The following MTMR2 variants were observed in gnomAD, a reference collection of about 807,000 sequenced individuals.
MTMR2 encodes the protein myotubularin related protein 2.
Under a neutral mutation model 86.9 loss-of-function variants are expected in MTMR2, and 55 were observed. That is an observed-to-expected ratio of 0.63 (90% confidence interval 0.51 to 0.79). The LOEUF (loss-of-function observed/expected upper bound fraction) is 0.79, where lower values mean the gene tolerates loss of function less well. Among genes scored for constraint, MTMR2 ranks in the 30% least tolerant of loss-of-function variants. MTMR2 has a pLI of 0.00. For synonymous variants in MTMR2, 241 were observed against 266.8 expected (o/e 0.90, Z 0.94); for missense variants, 659 against 772.3 (o/e 0.85, Z 1.74).
chr11:95,834,237 A>G lies in MTMR2; in HGVS notation c.*1053T>C, dbSNP rs1863153444. The G allele has an allele frequency of 6.6e-6, 1 of 152,576 alleles. No individual in the cohort carries two copies. The highest frequency in any genetic ancestry group is 2.4e-5 in the African/African-American group (1 of 41,452). 9.5% of individuals were successfully genotyped at this position (152,576 alleles called of 1,614,324 possible). ...CTACCAGCACCAAACTCTTACTTGT[A>G]GCAGGTGAACAGTGAAGCAAGATTT... On this transcript the variant is annotated 3_prime_UTR_variant, in exon 15 of 15. Transcript: ENST00000346299.
chr11:95,873,979 T>C (rs1200589415), intron 2 of MTMR2, among the ~76,000 whole-genome samples: 1 of 152,184 alleles, frequency 6.6e-6, no homozygotes, highest in East Asian at 1.9e-4. Context: ...ATAATTTCTC[T>C]TGTTTTACAT....
At chr11:95,907,884 C>A in intron 1 of MTMR2, 1 of 443,738 alleles carries the variant, frequency 2.3e-6, no homozygotes, top group Non-Finnish European at 4.5e-6. Context: ...AGAGCTACAG[C>A]CAACATCACA....
chr11:95,913,050 G>T (rs1866569298), intron 1 of MTMR2: 1 of 151,990 alleles, frequency 6.6e-6, no homozygotes, highest in African/African-American at 2.4e-5. Context: ...CCTTCACCAA[G>T]TCTATCCAAT....
chr11:95,923,360 G>C (rs775287984), intron 1 of MTMR2, among the ~76,000 whole-genome samples: 4 of 152,128 alleles, frequency 2.6e-5, no homozygotes, highest in Non-Finnish European at 4.4e-5. Flanking sequence ...AGGGAGGCGA[G>C]AAGAAAATCA....
At position 95,877,331 on chromosome 11, in the gene MTMR2, CCTTT is replaced by C. The variant is rs1321355260; in HGVS notation, c.186+10821_186+10824del. Among the ~76,000 whole-genome samples, 50 of 94,710 alleles carry C rather than the reference CCTTT, an allele frequency of 5.3e-4. 2 individuals are homozygous for C. Among genetic ancestry groups the C allele is most frequent in the African/African-American group, 2.1e-3 (42 of 20,146 alleles). The allele number at this position is 94,710 out of a possible 152,430, so 62.1% of individuals were successfully genotyped here. ...CATTCAAGATCAAGCACAGGGAAGC[CCTTT>C]TTTTTTTTTTTTTTTTTTTTTTTTT... is the stretch of plus-strand genomic sequence containing the variant. On this transcript the variant is annotated intron_variant, in intron 2 of 14. Transcript: ENST00000346299.
intron 7 of MTMR2, 25 bp from the exon 8 acceptor site, chr11:95,850,774 C>G (rs1057027681): frequency 6.5e-7 from 1 of 1,549,018 alleles, no homozygotes; most frequent in African/African-American, 1.4e-5. Flanking sequence ...AAACATAAGA[C>G]AAATTACTAT....
chr11:95,858,552 T>A lies in MTMR2; in HGVS notation c.549A>T (p.Ala183=). Residue 183 remains alanine, a synonymous_variant, in exon 6 of 15, where the codon GCA becomes GCT. Coordinates refer to ENST00000346299, the MANE Select transcript of MTMR2 (RefSeq NM_016156.6). ...RSIFENLMKY[A]FPVSNNLPLF... ...TTACCAGGTTATTAGAGACAGGAAA[T>A]GCATATTTCATTAGATTCTCAAATA... The A allele has an allele frequency of 6.2e-7, 1 of 1,611,130 alleles. No individual in the cohort carries two copies. Among genetic ancestry groups the A allele is most frequent in the South Asian group, 1.1e-5 (1 of 91,024 alleles).
chr11:95,862,187 CTTTA>C (rs1864446863), intron 4 of MTMR2, 81 bp downstream of exon 4: 2 of 1,529,342 alleles, frequency 1.3e-6, no homozygotes, highest in Admixed American at 1.7e-5. Context: ...ATCAGAAATG[CTTTA>C]ATTAGAAATG....
chr11:95,855,337 C>G (rs1864170844), intron 7 of MTMR2, among the ~76,000 whole-genome samples: 1 of 152,104 alleles, frequency 6.6e-6, no homozygotes, highest in South Asian at 2.1e-4. Context: ...CTCACCACAG[C>G]CTTGATCTCC....
chr11:95,850,897 G>T, intron 7 of MTMR2, 148 bp from the exon 8 acceptor site: 1 of 749,510 alleles, frequency 1.3e-6, no homozygotes. Context: ...TGTGGTATCA[G>T]GCTTTCAGGA....
chr11:95,888,806 A>G (rs1185459982), intron 1 of MTMR2, among the ~76,000 whole-genome samples: 1 of 152,210 alleles, frequency 6.6e-6, no homozygotes, highest in Non-Finnish European at 1.5e-5. Context: ...TTCTGGCCAG[A>G]AAGTTCAGGG....
At chr11:95,851,971 A>G (rs1864038595) in intron 7 of MTMR2, among the ~76,000 whole-genome samples, 1 of 152,244 alleles carries the variant, frequency 6.6e-6, no homozygotes, top group African/African-American at 2.4e-5. Flanking sequence ...TATAGGATTA[A>G]TAAAACAACT....
chr11:95,861,971 C>T, intron 5 of MTMR2, 21 bp downstream of exon 5: 1 of 1,522,700 alleles, frequency 6.6e-7, no homozygotes, highest in South Asian at 1.1e-5. Context: ...AAGAAAATCA[C>T]ATACATATTA....
At chr11:95,919,816 A>T (rs1431589546) in intron 1 of MTMR2, among the ~76,000 whole-genome samples, 1 of 152,184 alleles carries the variant, frequency 6.6e-6, no homozygotes, top group Non-Finnish European at 1.5e-5. Context: ...TTCCGTCAAC[A>T]TTCTTTTATT....
intron 1 of MTMR2, among the ~76,000 whole-genome samples, chr11:95,898,557 T>C (rs1452061823): frequency 6.6e-6 from 1 of 151,856 alleles, no homozygotes; most frequent in Non-Finnish European, 1.5e-5. Flanking sequence ...ACATGATAAA[T>C]GGGTGTGAGA....
At chr11:95,909,316 G>C (rs1326442479) in intron 1 of MTMR2, among the ~76,000 whole-genome samples, 1 of 152,012 alleles carries the variant, frequency 6.6e-6, no homozygotes, top group Non-Finnish European at 1.5e-5. Context: ...GTTTCATGTA[G>C]ATTTTGTTTT....
chr11:95,846,888 T>G (rs146872154), intron 10 of MTMR2, among the ~76,000 whole-genome samples: 119 of 152,306 alleles, frequency 7.8e-4, no homozygotes, highest in African/African-American at 2.7e-3. Context: ...AATGGTCTAT[T>G]TAAAATTCTT....
chr11:95,865,602 C>G lies in MTMR2; in HGVS notation c.261G>C (p.Met87Ile). Residue 87 changes from methionine to isoleucine, a missense_variant and splice_region_variant, in exon 3 of 15, where the codon ATG becomes ATC. By Grantham distance (10) the Met-to-Ile change is conservative (BLOSUM62 1). This residue lies in a region of MTMR2 where 387 missense variants were observed against 526.3 expected (regional missense o/e 0.74). Transcript: ENST00000346299. ...PLLPGENIKD[M>I]AKDVTYICPF... ...TAAGCAAAAAATACCATTACGGACC[C>G]ATGTCTTTAATATTTTCTCCTGGAA... 1 of 1,613,018 alleles carries G rather than the reference C, an allele frequency of 6.2e-7. No homozygotes were observed.
chr11:95,872,006 T>G (rs986217794), intron 2 of MTMR2, among the ~76,000 whole-genome samples: 11 of 152,182 alleles, frequency 7.2e-5, no homozygotes, highest in African/African-American at 1.4e-4. Flanking sequence ...TTTCCCCATT[T>G]CTTGTTTTTG....
Sources: gnomAD v4.1 joint callset for allele counts (sites outside exome capture counted in the v4.1 genomes callset) on GRCh38, gnomAD v4.1.1 for gene constraint, gnomAD v4.1.1 regional missense constraint, MANE v1.5 for transcripts, NCBI Gene and HGNC (gene_info 2026-07-23, HGNC 2026-07-21) for gene names.